The following DPRX variants were observed in gnomAD, a reference collection of about 807,000 sequenced individuals.
The protein encoded by DPRX is divergent paired-related homeobox.
DPRX carries 11 observed loss-of-function variants against 8.4 expected under a neutral mutation model. That is an observed-to-expected ratio of 1.31 (90% CI 0.82 to 2.17). DPRX has a LOEUF of 2.17. Ranked by LOEUF, DPRX falls within the 30% of genes most tolerant of loss-of-function variation. The probability of loss-of-function intolerance (pLI) is 0.00; values close to 1 mark genes in which losing one functional copy is unlikely to be tolerated. For synonymous variants in DPRX, 72 were observed against 87.0 expected (o/e 0.83, Z 0.96); for missense variants, 211 against 236.7 (o/e 0.89, Z 0.71).
the DPRX span, chr19:53,617,043 T>C: frequency 4.8e-6 from 6 of 1,238,214 alleles, no homozygotes; most frequent in South Asian, 4.8e-5. Context: ...ACAGAGTAAG[T>C]GGACAATATT....
At chr19:53,634,176 A>T (rs890330638) in intron 1 of DPRX, among the ~76,000 whole-genome samples, 1 of 151,872 alleles carries the variant, frequency 6.6e-6, no homozygotes, top group African/African-American at 2.4e-5. Context: ...CACGCATGTA[A>T]TCCCAACACT....
chr19:53,619,524 A>C, the DPRX span, among the ~76,000 whole-genome samples: 54,226 of 151,634 alleles, frequency 0.36, 10,118 homozygotes, highest in Non-Finnish European at 0.41. Flanking sequence ...AAAATACAAA[A>C]ATTAGCCTTG....
the DPRX span, chr19:53,602,083 C>T: frequency 6.6e-6 from 3 of 456,720 alleles, no homozygotes; most frequent in South Asian, 4.6e-5. Context: ...AACACAGCCG[C>T]TGCGATGTAG....
At chr19:53,633,207 C>T (rs1022549572) in intron 1 of DPRX, among the ~76,000 whole-genome samples, 8 of 152,122 alleles carry the variant, frequency 5.3e-5, no homozygotes, top group African/African-American at 1.7e-4. Flanking sequence ...GTGAGAGGAT[C>T]GCTTGAGCCT....
chr19:53,622,624 C>T, the DPRX span, among the ~76,000 whole-genome samples: 1 of 152,122 alleles, frequency 6.6e-6, no homozygotes, highest in East Asian at 1.9e-4. Flanking sequence ...CCAGTCTCTT[C>T]ATAATGCTCG....
upstream of DPRX, among the ~76,000 whole-genome samples, chr19:53,631,457 C>T (rs1001876060): frequency 4.6e-5 from 7 of 152,068 alleles, no homozygotes; most frequent in East Asian, 1.9e-4. Flanking sequence ...ATCACATTCC[C>T]GGTCCCCATT....
At chr19:53,625,679 C>T in the DPRX span, among the ~76,000 whole-genome samples, 1 of 151,912 alleles carries the variant, frequency 6.6e-6, no homozygotes, top group Non-Finnish European at 1.5e-5. Flanking sequence ...ACCGTGTTGC[C>T]CAGGCTGGAG....
the DPRX span, among the ~76,000 whole-genome samples, chr19:53,623,549 A>T: frequency 6.6e-6 from 1 of 152,022 alleles, no homozygotes; most frequent in Non-Finnish European, 1.5e-5. Context: ...GAGGAAGGAG[A>T]ATCGCTTGAA....
the DPRX span, among the ~76,000 whole-genome samples, chr19:53,610,984 C>G: frequency 6.6e-6 from 1 of 151,730 alleles, no homozygotes; most frequent in African/African-American, 2.4e-5. Context: ...CTCAATGAAA[C>G]CTCCGCCTCC....
At chr19:53,635,071 C>T (rs962750997) in intron 2 of DPRX, among the ~76,000 whole-genome samples, 1 of 152,138 alleles carries the variant, frequency 6.6e-6, no homozygotes, top group African/African-American at 2.4e-5. Flanking sequence ...CTCCCGGGCT[C>T]AAGCAATCCT....
At chr19:53,601,683 T>C in the DPRX span, among the ~76,000 whole-genome samples, 36 of 151,972 alleles carry the variant, frequency 2.4e-4, no homozygotes, top group South Asian at 6.2e-4. Context: ...AATTTCACCA[T>C]GTTGGTCAGG....
the DPRX span, among the ~76,000 whole-genome samples, chr19:53,612,417 T>C: frequency 5.4e-5 from 8 of 149,168 alleles, no homozygotes; most frequent in Non-Finnish European, 1.0e-4. Context: ...AGAAATAGGA[T>C]TGGACGTGGC....
exon 3 of DPRX, chr19:53,636,803 C>T: frequency 6.2e-7 from 1 of 1,614,174 alleles, no homozygotes; most frequent in Non-Finnish European, 8.5e-7. Context: ...CTCATTCCAG[C>T]TCATCCTGTA....
the DPRX span, among the ~76,000 whole-genome samples, chr19:53,625,112 G>A: frequency 3.7e-4 from 51 of 139,674 alleles, no homozygotes; most frequent in Middle Eastern, 4.2e-3. Context: ...GCCCAGCCTA[G>A]AGTGCAGTGG....
the DPRX span, among the ~76,000 whole-genome samples, chr19:53,601,656 A>ATTTTTAGTAGAACC: frequency 6.6e-6 from 1 of 151,614 alleles, no homozygotes; most frequent in South Asian, 2.1e-4. Context: ...TAATTTTTGT[A>ATTTTTAGTAGAACC]TTTTTAGTAG....
the DPRX span, among the ~76,000 whole-genome samples, chr19:53,615,327 C>T: frequency 2.6e-5 from 4 of 151,746 alleles, no homozygotes; most frequent in African/African-American, 9.7e-5. Flanking sequence ...GTCACTCAGG[C>T]TGGAGTGCAG....
chr19:53,616,945 A>G, the DPRX span: 3 of 1,289,248 alleles, frequency 2.3e-6, no homozygotes, highest in Non-Finnish European at 3.4e-6. Context: ...CACCAGAGGA[A>G]TCGTTTATGA....
the DPRX span, among the ~76,000 whole-genome samples, chr19:53,613,883 G>A: frequency 6.6e-6 from 1 of 151,904 alleles, no homozygotes; most frequent in Non-Finnish European, 1.5e-5. Context: ...TTTATTGGCC[G>A]TGTGGATATT....
chr19:53,609,909 C>T, the DPRX span, among the ~76,000 whole-genome samples: 1 of 151,784 alleles, frequency 6.6e-6, no homozygotes, highest in South Asian at 2.1e-4. Flanking sequence ...TGCTTGAACC[C>T]GGGAGGTGGA....
Sources: allele counts gnomAD v4.1 joint callset (sites outside exome capture counted in the v4.1 genomes callset), GRCh38; gene constraint gnomAD v4.1.1; transcripts MANE v1.5; gene names NCBI Gene and HGNC (gene_info 2026-07-23, HGNC 2026-07-21).